ARHGAP26: variants seen among roughly 807,000 people sequenced by gnomAD.
ARHGAP26 encodes the protein Rho GTPase activating protein 26, also known as rho GTPase-activating protein 26.
In ARHGAP26, 38 loss-of-function variants were observed where a neutral mutation model predicts 104.8. That is an observed-to-expected ratio of 0.36 (90% CI 0.28 to 0.48). The LOEUF is 0.48. Ranked by LOEUF, ARHGAP26 falls within the 20% of genes least tolerant of loss-of-function variation. The pLI is 0.99. For missense variants in ARHGAP26, 704 were observed against 947.9 expected (o/e 0.74, Z 3.38); for synonymous variants, 341 against 340.0 (o/e 1.00, Z -0.03).
intron 21 of ARHGAP26, among the ~76,000 whole-genome samples, chr5:143,213,789 T>TA (rs1345051897): frequency 6.6e-6 from 1 of 152,176 alleles, no homozygotes; most frequent in African/African-American, 2.4e-5. Context: ...TCTTGAAGCT[T>TA]ATGGCTTTTC....
At chr5:142,775,809 C>T (rs1382722245) in intron 1 of ARHGAP26, among the ~76,000 whole-genome samples, 1 of 152,312 alleles carries the variant, frequency 6.6e-6, no homozygotes, top group South Asian at 2.1e-4. Context: ...GTTAGGATTT[C>T]ATTTCTCTTC....
intron 6 of ARHGAP26, among the ~76,000 whole-genome samples, chr5:142,899,733 G>A (rs1760022935): frequency 6.6e-6 from 1 of 152,084 alleles, no homozygotes; most frequent in Non-Finnish European, 1.5e-5. Flanking sequence ...GGAGAGAAAA[G>A]GTGCTGGGAG....
chr5:142,993,037 AGT>A, intron 11 of ARHGAP26, among the ~76,000 whole-genome samples: 1 of 151,772 alleles, frequency 6.6e-6, no homozygotes, highest in Non-Finnish European at 1.5e-5. Flanking sequence ...GCTGGAGTGC[AGT>A]GGCGGGATCT....
intron 1 of ARHGAP26, among the ~76,000 whole-genome samples, chr5:142,828,486 T>G (rs192808727): frequency 2.6e-5 from 4 of 152,216 alleles, no homozygotes; most frequent in Non-Finnish European, 5.9e-5. Context: ...AAATGAAATT[T>G]AAAAGAAAAA....
At chr5:143,213,898 C>T in intron 21 of ARHGAP26, 99 bp from the exon 22 acceptor site, 1 of 712,892 alleles carries the variant, frequency 1.4e-6, no homozygotes, top group Non-Finnish European at 2.3e-6. Context: ...CGAGAGGGGA[C>T]TAGGTAGCTT....
At chr5:143,222,246 TACACACACAC>T (rs66463225) in intron 22 of ARHGAP26, 102 bp from the exon 23 acceptor site, 18,567 of 477,282 alleles carry the variant, frequency 0.039, 1,564 homozygotes, top group African/African-American at 0.26. Context: ...GCTTCCTTCA[TACACACACAC>T]ACACACACAC....
rs1400669050 is a variant in ARHGAP26 at position 143,225,857 on chromosome 5, C to G, written c.*3411C>G. 1 of 227,130 alleles carries G rather than the reference C, an allele frequency of 4.4e-6. No individual in the cohort carries two copies. Among genetic ancestry groups the G allele is most frequent in the Non-Finnish European group, 8.8e-6 (1 of 114,010 alleles). 14.1% of individuals were successfully genotyped at this position (227,130 alleles called of 1,614,324 possible). On this transcript the variant is annotated 3_prime_UTR_variant, in exon 23 of 23. Transcript: ENST00000645722. ...TGTTTCCCTTTGCCCAGCCAGGCTC[C>G]CCTCCTTCCTATTAGCTACAAAACT...
At chr5:142,863,613 G>A (rs1561973820) in intron 1 of ARHGAP26, among the ~76,000 whole-genome samples, 1 of 152,204 alleles carries the variant, frequency 6.6e-6, no homozygotes, top group Non-Finnish European at 1.5e-5. Flanking sequence ...CCAGGCACGT[G>A]CTAGGAGAAT....
chr5:143,108,381 T>TG (rs1407971673), intron 17 of ARHGAP26, among the ~76,000 whole-genome samples: 2 of 152,212 alleles, frequency 1.3e-5, no homozygotes, highest in Non-Finnish European at 2.9e-5. Context: ...AACTTTCCCA[T>TG]GGGGTCTCAG....
At chr5:143,183,637 G>A (rs543387627) in intron 20 of ARHGAP26, among the ~76,000 whole-genome samples, 1 of 152,206 alleles carries the variant, frequency 6.6e-6, no homozygotes, top group African/African-American at 2.4e-5. Flanking sequence ...CAAGAAAGCA[G>A]CAGCTGCATT....
intron 20 of ARHGAP26, among the ~76,000 whole-genome samples, chr5:143,174,243 C>T (rs1340386932): frequency 6.6e-6 from 1 of 152,156 alleles, no homozygotes; most frequent in African/African-American, 2.4e-5. Flanking sequence ...TGTACATCTC[C>T]ACAATGGCAT....
chr5:142,778,958 TTAG>T (rs1756920025), intron 1 of ARHGAP26, among the ~76,000 whole-genome samples: 1 of 131,676 alleles, frequency 7.6e-6, no homozygotes, highest in African/African-American at 4.2e-5. Flanking sequence ...AAAAAAAAAC[TTAG>T]TGTGTGTGTA....
At chr5:143,150,041 T>A (rs967709834) in intron 20 of ARHGAP26, among the ~76,000 whole-genome samples, 1 of 152,210 alleles carries the variant, frequency 6.6e-6, no homozygotes, top group African/African-American at 2.4e-5. Flanking sequence ...CCCTCTTATT[T>A]ACATGAATGT....
intron 18 of ARHGAP26, among the ~76,000 whole-genome samples, chr5:143,123,563 C>T (rs963736786): frequency 6.6e-6 from 1 of 152,208 alleles, no homozygotes; most frequent in African/African-American, 2.4e-5. Context: ...TTAAAATCCA[C>T]AATGTTGGCC....
intron 18 of ARHGAP26, among the ~76,000 whole-genome samples, chr5:143,132,238 G>C (rs1028851363): frequency 3.3e-5 from 5 of 152,098 alleles, no homozygotes; most frequent in African/African-American, 1.2e-4. Flanking sequence ...GAGAGCAGCT[G>C]TTTGGGCTGA....
intron 1 of ARHGAP26, among the ~76,000 whole-genome samples, chr5:142,782,473 G>A (rs1245210560): frequency 1.3e-5 from 2 of 152,158 alleles, no homozygotes; most frequent in Non-Finnish European, 2.9e-5. Context: ...TGGCTGGGTT[G>A]CAGTCTGGGC....
At chr5:143,018,336 A>T (rs1779868004) in intron 12 of ARHGAP26, among the ~76,000 whole-genome samples, 1 of 152,200 alleles carries the variant, frequency 6.6e-6, no homozygotes, top group Non-Finnish European at 1.5e-5. Flanking sequence ...AATCCTTCAA[A>T]GCCCTTTTAT....
chr5:142,873,129 A>G (rs1291877244), intron 1 of ARHGAP26, among the ~76,000 whole-genome samples: 2 of 152,250 alleles, frequency 1.3e-5, no homozygotes, highest in African/African-American at 4.8e-5. Flanking sequence ...CCACATGTCA[A>G]ACGGAGATGA....
intron 1 of ARHGAP26, among the ~76,000 whole-genome samples, chr5:142,797,514 G>C (rs1761225642): frequency 6.6e-6 from 1 of 152,164 alleles, no homozygotes. Flanking sequence ...TGCTTTTGGG[G>C]GTGGTCACAG....
Sources: gnomAD v4.1 joint callset for allele counts (sites outside exome capture counted in the v4.1 genomes callset) on GRCh38, gnomAD v4.1.1 for gene constraint, MANE v1.5 for transcripts, NCBI Gene and HGNC (gene_info 2026-07-23, HGNC 2026-07-21) for gene names.